The following ADAM23 variants were observed in gnomAD, a reference collection of about 807,000 sequenced individuals.
The protein encoded by ADAM23 is ADAM metallopeptidase domain 23.
Under a neutral mutation model 120.1 loss-of-function variants are expected in ADAM23, and 33 were observed. The observed-to-expected ratio is 0.27, with a 90% CI of 0.21 to 0.37. The LOEUF (loss-of-function observed/expected upper bound fraction) is 0.37, where lower values mean the gene tolerates loss of function less well. Among genes scored for constraint, ADAM23 ranks in the 10% least tolerant of loss-of-function variants. ADAM23 has a pLI of 1.00. For synonymous variants in ADAM23, 367 were observed against 375.2 expected, an observed-to-expected ratio of 0.98 and a Z score of 0.25; for missense variants, 862 against 1,058.2, an observed-to-expected ratio of 0.81 and a Z score of 2.57.
chr2:206,478,244 G>T (rs756076821), intron 2 of ADAM23, among the ~76,000 whole-genome samples: 14 of 151,964 alleles, frequency 9.2e-5, no homozygotes, highest in Non-Finnish European at 1.6e-4. Flanking sequence ...ATATTTAAAT[G>T]ACTTAAAATG....
In ADAM23 at chr2:206,594,914, G is replaced by T. The variant is rs1400334420; in HGVS notation, c.2247+9G>T. The T allele has an allele frequency of 6.2e-7, 1 of 1,613,684 alleles. No individual in the cohort carries two copies. Among genetic ancestry groups the T allele is most frequent in the Non-Finnish European group, 8.5e-7 (1 of 1,179,814 alleles). On this transcript the variant is annotated intron_variant, in intron 23 of 25. Coordinates refer to ENST00000264377, the MANE Select transcript of ADAM23 (RefSeq NM_003812.4). ...TCTGTTCGGGCCATGGGGTAAGTAGGTATCAATGTGACAGCTGGAACCTTC... is the reference window on the plus strand; with the variant it reads ...TCTGTTCGGGCCATGGGGTAAGTAGTTATCAATGTGACAGCTGGAACCTTC...
At chr2:206,530,325 A>G (rs191567507) in intron 3 of ADAM23, among the ~76,000 whole-genome samples, 247 of 152,318 alleles carry the variant, frequency 1.6e-3, no homozygotes, top group African/African-American at 5.7e-3. Context: ...AAAACCTAAA[A>G]TATCTACTCC....
intron 18 of ADAM23, among the ~76,000 whole-genome samples, chr2:206,586,870 A>G (rs3770979): frequency 6.6e-6 from 1 of 152,186 alleles, no homozygotes; most frequent in Admixed American, 6.5e-5. Context: ...GTTGAAAGGC[A>G]GAGTATTTCT....
chr2:206,486,105 G>A (rs1176114865), intron 3 of ADAM23, among the ~76,000 whole-genome samples: 3 of 152,242 alleles, frequency 2.0e-5, no homozygotes, highest in Admixed American at 6.5e-5. Context: ...GTGGTCCATG[G>A]TGAGGAGTGT....
At chr2:206,546,531 T>C (rs886802847) in intron 6 of ADAM23, among the ~76,000 whole-genome samples, 5 of 152,188 alleles carry the variant, frequency 3.3e-5, no homozygotes, top group African/African-American at 1.2e-4. Flanking sequence ...AAAACTAATA[T>C]AGGAAATTTG....
At chr2:206,462,323 C>G (rs139227557) in intron 2 of ADAM23, among the ~76,000 whole-genome samples, 1 of 152,312 alleles carries the variant, frequency 6.6e-6, no homozygotes, top group African/African-American at 2.4e-5. Flanking sequence ...AAATTTCTCT[C>G]CCAGCACGCC....
At chr2:206,604,036 G>A (rs770442585) in intron 24 of ADAM23, among the ~76,000 whole-genome samples, 6 of 151,994 alleles carry the variant, frequency 3.9e-5, no homozygotes, top group Non-Finnish European at 8.8e-5. Context: ...GGAGGCCGAG[G>A]CAGGCAGACC....
intron 18 of ADAM23, among the ~76,000 whole-genome samples, chr2:206,582,379 T>A (rs1698235773): frequency 6.6e-6 from 1 of 152,218 alleles, no homozygotes; most frequent in African/African-American, 2.4e-5. Flanking sequence ...GCTTTTGGTG[T>A]CCATTTGCTT....
intron 3 of ADAM23, among the ~76,000 whole-genome samples, chr2:206,516,234 A>G (rs1255307053): frequency 2.8e-5 from 4 of 140,370 alleles, no homozygotes; most frequent in Non-Finnish European, 4.7e-5. Flanking sequence ...CATTTTTATT[A>G]AAAAAAAAAA....
intron 3 of ADAM23, among the ~76,000 whole-genome samples, chr2:206,522,615 A>G (rs565728492): frequency 6.6e-6 from 1 of 152,266 alleles, no homozygotes; most frequent in East Asian, 1.9e-4. Flanking sequence ...CAATTTCTCT[A>G]TGTGTGATGC....
At chr2:206,564,237 G>C (rs1347047395) in intron 13 of ADAM23, among the ~76,000 whole-genome samples, 2 of 151,906 alleles carry the variant, frequency 1.3e-5, no homozygotes, top group African/African-American at 4.8e-5. Flanking sequence ...TAGAGAGAGA[G>C]GCATAGAAAA....
chr2:206,609,896 A>C lies in ADAM23; in HGVS notation c.2360-14A>C, dbSNP rs1698796502. 6.3e-7 allele frequency: 1 copy of C among 1,592,926 alleles called. No homozygotes were observed. Among genetic ancestry groups the C allele is most frequent in the African/African-American group, 1.4e-5 (1 of 73,678 alleles). On this transcript the variant is annotated splice_polypyrimidine_tract_variant and intron_variant, in intron 24 of 25. Transcript: ENST00000264377. ...TGGTTCATATGACTCTCTTCCCATG[A>C]TCCTTTGTCACAGGTCCTAGTGCCA...
intron 18 of ADAM23, among the ~76,000 whole-genome samples, chr2:206,585,242 G>A (rs531582026): frequency 5.3e-5 from 8 of 152,288 alleles, no homozygotes; most frequent in South Asian, 2.1e-4. Context: ...CCATGATCCC[G>A]ATCACTGGTT....
intron 3 of ADAM23, among the ~76,000 whole-genome samples, chr2:206,519,587 G>A (rs1197452126): frequency 6.6e-6 from 1 of 152,054 alleles, no homozygotes; most frequent in Non-Finnish European, 1.5e-5. Flanking sequence ...CATGAAGAAA[G>A]CATTAAAAAT....
chr2:206,531,007 C>G, intron 4 of ADAM23, 59 bp downstream of exon 4: 1 of 1,432,148 alleles, frequency 7.0e-7, no homozygotes, highest in Non-Finnish European at 9.8e-7. Flanking sequence ...TAGAGTTGAT[C>G]AGTGCACACT....
In ADAM23 at chr2:206,530,960, G is replaced by A. The variant is rs780534424; in HGVS notation, c.573+12G>A. 4.2e-5 allele frequency: 67 copies of A among 1,611,700 alleles called. No individual in the cohort carries two copies. The highest frequency in any genetic ancestry group is 1.8e-4 in the Admixed American group (11 of 59,910). On this transcript the variant is annotated intron_variant, in intron 4 of 25. Coordinates refer to ENST00000264377, the MANE Select transcript of ADAM23 (RefSeq NM_003812.4). The stretch of plus-strand genomic sequence containing the variant: ...CACAGTACTCTAAGGTACGGTTACC[G>A]GCGTCGGCAAGTACTCTAGTATAAG...
intron 2 of ADAM23, among the ~76,000 whole-genome samples, chr2:206,461,730 G>A (rs1695424052): frequency 6.6e-6 from 1 of 152,114 alleles, no homozygotes; most frequent in Admixed American, 6.5e-5. Flanking sequence ...CCAGTAAAAG[G>A]CATTTGGGTA....
intron 18 of ADAM23, among the ~76,000 whole-genome samples, chr2:206,582,395 G>T (rs1698236015): frequency 6.6e-6 from 1 of 152,086 alleles, no homozygotes; most frequent in Non-Finnish European, 1.5e-5. Context: ...TGCTTGGAAT[G>T]CCTTTTCCAC....
chr2:206,512,603 C>CT (rs1696645930), intron 3 of ADAM23, among the ~76,000 whole-genome samples: 1 of 152,158 alleles, frequency 6.6e-6, no homozygotes. Flanking sequence ...TCTAAATAGT[C>CT]TAACAATGTA....
Sources: gnomAD v4.1 joint callset for allele counts (sites outside exome capture counted in the v4.1 genomes callset) on GRCh38, gnomAD v4.1.1 for gene constraint, MANE v1.5 for transcripts, NCBI Gene and HGNC (gene_info 2026-07-23, HGNC 2026-07-21) for gene names.